The following MYO5B variants were observed in gnomAD, a reference collection of about 807,000 sequenced individuals.
MYO5B encodes myosin VB.
A neutral mutation model predicts 229.3 loss-of-function variants in MYO5B; 143 were observed. The ratio of observed to expected loss-of-function variants is 0.62; its 90% confidence interval spans 0.54 to 0.72. The LOEUF (loss-of-function observed/expected upper bound fraction) is 0.72. MYO5B is among the 30% of genes least tolerant of loss of function. The pLI is 0.00. For missense variants in MYO5B, 2,321 were observed against 2,331.0 expected (o/e 1.00, Z 0.09); for synonymous variants, 918 against 885.2 (o/e 1.04, Z -0.66).
intron 25 of MYO5B, among the ~76,000 whole-genome samples, chr18:49,877,288 T>C (rs2024536822): frequency 6.6e-6 from 1 of 152,238 alleles, no homozygotes; most frequent in Non-Finnish European, 1.5e-5. Context: ...AAAGATACAG[T>C]CACCCAGCAT....
chr18:49,974,779 T>TCACACACACACACA lies in MYO5B; in HGVS notation c.1057-178_1057-165dup, dbSNP rs111420791. On this transcript the variant is annotated intron_variant, in intron 9 of 39. Coordinates refer to ENST00000285039, the MANE Select transcript of MYO5B (RefSeq NM_001080467.3). ...CCTGCTGCCAGCCCAGCAGTCTCTCTCACACACACACACACACAGACACAC... is the reference window on the plus strand; with the variant it reads ...CCTGCTGCCAGCCCAGCAGTCTCTCTCACACACACACACACACACACACACACACACAGACACAC... Among the ~76,000 whole-genome samples, 138 of 117,092 alleles carry TCACACACACACACA rather than the reference T, an allele frequency of 1.2e-3. 1 individual carries two copies. Among genetic ancestry groups the TCACACACACACACA allele is most frequent in the African/African-American group, 2.2e-3 (58 of 26,514 alleles). 76.8% of individuals were successfully genotyped at this position (117,092 alleles called of 152,430 possible). A position where few individuals can be genotyped will look rare whatever the true frequency, so the allele number is the denominator to read the frequency against.
At chr18:49,834,473 T>TCA (rs2023961704) in intron 39 of MYO5B, among the ~76,000 whole-genome samples, 1 of 152,180 alleles carries the variant, frequency 6.6e-6, no homozygotes, top group Admixed American at 6.5e-5. Flanking sequence ...TCCAACACTG[T>TCA]CACAGTTACT....
At chr18:49,950,233 CAG>C (rs1000976538) in intron 14 of MYO5B, among the ~76,000 whole-genome samples, 5 of 152,082 alleles carry the variant, frequency 3.3e-5, no homozygotes, top group Non-Finnish European at 7.4e-5. Flanking sequence ...GGGATGGGGA[CAG>C]GGGTGGCAAA....
chr18:49,856,032 G>T (rs1208260407), intron 30 of MYO5B, among the ~76,000 whole-genome samples: 1 of 152,218 alleles, frequency 6.6e-6, no homozygotes, highest in Non-Finnish European at 1.5e-5. Flanking sequence ...GCTCTTAAAA[G>T]CCACCTGCAG....
At chr18:50,132,502 A>T (rs1041478191) in intron 1 of MYO5B, among the ~76,000 whole-genome samples, 1 of 152,252 alleles carries the variant, frequency 6.6e-6, no homozygotes, top group Non-Finnish European at 1.5e-5. Context: ...GATATATAAC[A>T]TTAACTCTTT....
chr18:50,160,090 C>T (rs367614411), intron 1 of MYO5B, among the ~76,000 whole-genome samples: 14 of 152,332 alleles, frequency 9.2e-5, no homozygotes, highest in Middle Eastern at 3.4e-3. Flanking sequence ...ACACGCACAA[C>T]GTACCACAGT....
At chr18:49,836,406 A>G (rs1405168210) in intron 38 of MYO5B, among the ~76,000 whole-genome samples, 1 of 152,236 alleles carries the variant, frequency 6.6e-6, no homozygotes, top group Non-Finnish European at 1.5e-5. Context: ...TCCAGAATTC[A>G]TTATATTTAA....
intron 2 of MYO5B, among the ~76,000 whole-genome samples, chr18:50,045,656 G>A (rs2030203943): frequency 1.3e-5 from 2 of 152,186 alleles, no homozygotes; most frequent in South Asian, 4.1e-4. Context: ...CCCAAAGTGT[G>A]AGATTACAGG....
chr18:50,075,622 C>T (rs2031060898), intron 1 of MYO5B, among the ~76,000 whole-genome samples: 1 of 152,190 alleles, frequency 6.6e-6, no homozygotes, highest in Admixed American at 6.5e-5. Context: ...ACACTTTCCA[C>T]CAGTGCTACA....
chr18:50,167,128 A>C (rs1165411444), intron 1 of MYO5B, among the ~76,000 whole-genome samples: 1 of 152,258 alleles, frequency 6.6e-6, no homozygotes, highest in East Asian at 1.9e-4. Context: ...GGAAAAGGCT[A>C]TAGTACACTG....
At chr18:49,932,319 C>A (rs2025202198) in intron 16 of MYO5B, among the ~76,000 whole-genome samples, 1 of 152,156 alleles carries the variant, frequency 6.6e-6, no homozygotes, top group Non-Finnish European at 1.5e-5. Context: ...GGGTTGGGGA[C>A]ATCGGTTTTC....
At chr18:50,040,356 A>G in intron 2 of MYO5B, 42 bp from the exon 3 acceptor site, 3 of 1,574,726 alleles carry the variant, frequency 1.9e-6, no homozygotes, top group Non-Finnish European at 2.6e-6. Context: ...GTGGTTATGA[A>G]GCGTTAAGTC....
At chr18:49,951,754 T>A (rs2025433148) in intron 14 of MYO5B, among the ~76,000 whole-genome samples, 1 of 152,058 alleles carries the variant, frequency 6.6e-6, no homozygotes, top group Non-Finnish European at 1.5e-5. Context: ...GACAACAGAG[T>A]TTTCTGGCCC....
At chr18:49,994,071 T>C (rs1025395652) in intron 5 of MYO5B, among the ~76,000 whole-genome samples, 1 of 152,194 alleles carries the variant, frequency 6.6e-6, no homozygotes. Context: ...TCTCTGCACC[T>C]AGTCGACTCA....
chr18:50,023,411 T>C (rs550259393), intron 4 of MYO5B, among the ~76,000 whole-genome samples: 3 of 152,244 alleles, frequency 2.0e-5, no homozygotes, highest in African/African-American at 7.2e-5. Flanking sequence ...CACTGGACTA[T>C]TTTGGTTATT....
chr18:50,057,806 G>A (rs926434437), intron 1 of MYO5B, among the ~76,000 whole-genome samples: 1 of 152,046 alleles, frequency 6.6e-6, no homozygotes, highest in Admixed American at 6.5e-5. Context: ...CCTCAGCATC[G>A]TCATCACCTA....
intron 28 of MYO5B, among the ~76,000 whole-genome samples, chr18:49,863,775 G>C (rs1033899256): frequency 3.9e-5 from 6 of 152,198 alleles, no homozygotes; most frequent in African/African-American, 1.2e-4. Context: ...CAGAAAGTGA[G>C]AACATTAGGA....
chr18:50,040,291 T>C lies in MYO5B; in HGVS notation c.162A>G (p.Val54=), dbSNP rs371546861. The C allele has an allele frequency of 2.7e-5, 43 of 1,614,158 alleles. No individual in the cohort carries two copies. Among genetic ancestry groups the C allele is most frequent in the Non-Finnish European group, 3.4e-5 (40 of 1,180,016 alleles). Residue 54 remains valine, a synonymous_variant, in exon 3 of 40, where the codon GTA becomes GTG. Transcript: ENST00000285039. ...GTAAGAAGGGCAGCTGGTTGCGTTG[T>C]ACATCAATTGGGTATTCCAGAATCT... ...DETILEYPID[V]QRNQLPFLRN...
intron 14 of MYO5B, among the ~76,000 whole-genome samples, chr18:49,951,860 G>A (rs8097868): frequency 0.18 from 28,109 of 152,122 alleles, 3,172 homozygotes; most frequent in African/African-American, 0.32. Context: ...CTTTCCCTGT[G>A]CCTTGGGGCT....
Sources: allele counts gnomAD v4.1 joint callset (sites outside exome capture counted in the v4.1 genomes callset), GRCh38; gene constraint gnomAD v4.1.1; transcripts MANE v1.5; gene names NCBI Gene and HGNC (gene_info 2026-07-23, HGNC 2026-07-21).